Variants in RALGPS1 observed in about 807,000 individuals in gnomAD.
The protein encoded by RALGPS1 is ras-specific guanine nucleotide-releasing factor RalGPS1.
RALGPS1 carries 19 observed loss-of-function variants against 78.8 expected under a neutral mutation model. That is an observed-to-expected ratio of 0.24 (90% CI 0.17 to 0.35). The LOEUF (loss-of-function observed/expected upper bound fraction) is 0.35, where lower values mean the gene tolerates loss of function less well. Among genes scored for constraint, RALGPS1 ranks in the 10% least tolerant of loss-of-function variants. The probability of loss-of-function intolerance (pLI) is 1.00; values close to 1 mark genes in which losing one functional copy is unlikely to be tolerated. For synonymous variants in RALGPS1, 228 were observed against 256.3 expected (o/e 0.89, Z 1.06); for missense variants, 454 against 688.3 (o/e 0.66, Z 3.81).
chr9:126,962,833 C>T (rs1168802899), intron 2 of RALGPS1, among the ~76,000 whole-genome samples: 1 of 152,176 alleles, frequency 6.6e-6, no homozygotes, highest in African/African-American at 2.4e-5. Flanking sequence ...TCGGTAATGG[C>T]ACAGAAGCAT....
intron 1 of RALGPS1, among the ~76,000 whole-genome samples, chr9:126,955,564 T>C (rs915612278): frequency 4.6e-5 from 7 of 152,296 alleles, no homozygotes; most frequent in African/African-American, 1.7e-4. Flanking sequence ...AATAAAGATA[T>C]ATATTCCCTT....
At chr9:127,033,694 G>C (rs2046620440) in intron 4 of RALGPS1, among the ~76,000 whole-genome samples, 1 of 152,074 alleles carries the variant, frequency 6.6e-6, no homozygotes, top group South Asian at 2.1e-4. Context: ...GCTTCTCCTT[G>C]GTCCTTTTTT....
intron 14 of RALGPS1, among the ~76,000 whole-genome samples, chr9:127,206,543 C>T (rs1295186729): frequency 2.6e-5 from 4 of 152,088 alleles, no homozygotes; most frequent in Non-Finnish European, 5.9e-5. Context: ...GGGGTAACCA[C>T]CCCCATGATT....
chr9:127,155,472 G>A (rs576851787), intron 8 of RALGPS1, among the ~76,000 whole-genome samples: 20 of 152,292 alleles, frequency 1.3e-4, no homozygotes, highest in Non-Finnish European at 2.4e-4. Context: ...GCACATCAGG[G>A]GCTGCATGGA....
At chr9:127,172,609 C>T (rs1240688561) in intron 10 of RALGPS1, among the ~76,000 whole-genome samples, 1 of 152,230 alleles carries the variant, frequency 6.6e-6, no homozygotes, top group East Asian at 1.9e-4. Flanking sequence ...ACAGCGGCAA[C>T]CTCCATCTTG....
At chr9:127,009,713 G>A (rs1187556703) in intron 4 of RALGPS1, among the ~76,000 whole-genome samples, 1 of 152,048 alleles carries the variant, frequency 6.6e-6, no homozygotes, top group Middle Eastern at 3.2e-3. Flanking sequence ...TAAGAGTCTA[G>A]GCTGGTGTTT....
At chr9:127,112,474 G>A (rs1564603831) in intron 8 of RALGPS1, among the ~76,000 whole-genome samples, 1 of 152,240 alleles carries the variant, frequency 6.6e-6, no homozygotes, top group Admixed American at 6.5e-5. Context: ...ACTGCCAGAG[G>A]CCCAGGAGGC....
intron 4 of RALGPS1, among the ~76,000 whole-genome samples, chr9:127,012,711 T>A (rs1180096502): frequency 6.6e-6 from 1 of 152,226 alleles, no homozygotes; most frequent in Non-Finnish European, 1.5e-5. Flanking sequence ...GTCTGAGGTT[T>A]CTGAGTGGAG....
intron 4 of RALGPS1, among the ~76,000 whole-genome samples, chr9:127,024,431 T>C (rs181178320): frequency 2.0e-5 from 3 of 150,638 alleles, no homozygotes; most frequent in African/African-American, 7.3e-5. Flanking sequence ...ACCGCTCACT[T>C]CCTATGCTTT....
chr9:127,055,807 C>T (rs1228924424), intron 7 of RALGPS1, among the ~76,000 whole-genome samples: 1 of 152,132 alleles, frequency 6.6e-6, no homozygotes, highest in Non-Finnish European at 1.5e-5. Context: ...TTTGTTTTCC[C>T]TTTTGTAACA....
At chr9:126,961,400 A>G (rs1041584824) in intron 1 of RALGPS1, among the ~76,000 whole-genome samples, 1 of 152,206 alleles carries the variant, frequency 6.6e-6, no homozygotes, top group African/African-American at 2.4e-5. Flanking sequence ...AGCATGGCAT[A>G]TGGTACTATA....
chr9:127,142,500 G>T (rs1159188749), intron 8 of RALGPS1, among the ~76,000 whole-genome samples: 2 of 152,166 alleles, frequency 1.3e-5, no homozygotes, highest in East Asian at 1.9e-4. Context: ...CAGAAGTCAG[G>T]GTGGCTAGCA....
At chr9:127,202,457 C>T (rs570571701) in intron 14 of RALGPS1, among the ~76,000 whole-genome samples, 3 of 152,082 alleles carry the variant, frequency 2.0e-5, no homozygotes, top group African/African-American at 2.4e-5. Flanking sequence ...CTGAGGCCTG[C>T]GGAGCTGCTG....
chr9:127,114,234 T>G (rs2055165445), intron 8 of RALGPS1, among the ~76,000 whole-genome samples: 1 of 152,230 alleles, frequency 6.6e-6, no homozygotes, highest in South Asian at 2.1e-4. Context: ...ATATTTATAT[T>G]GTAGCAATTT....
At chr9:127,214,881 C>T in intron 18 of RALGPS1, 39 bp downstream of exon 18, 9 of 1,611,990 alleles carry the variant, frequency 5.6e-6, no homozygotes, top group Non-Finnish European at 7.6e-6. Flanking sequence ...CTGAAATATC[C>T]TCTCCCACCC....
chr9:127,196,693 G>A, intron 13 of RALGPS1, 62 bp downstream of exon 13: 1 of 1,492,396 alleles, frequency 6.7e-7, no homozygotes, highest in South Asian at 1.3e-5. Context: ...TGTGCTCCGT[G>A]TCTGTCTCTG....
At chr9:127,170,244 TG>T (rs1178156869) in intron 10 of RALGPS1, among the ~76,000 whole-genome samples, 1 of 152,196 alleles carries the variant, frequency 6.6e-6, no homozygotes, top group African/African-American at 2.4e-5. Context: ...GTGTCCCACC[TG>T]GTCAGCTTTA....
intron 8 of RALGPS1, chr9:127,107,797 G>T: frequency 9.5e-7 from 1 of 1,050,638 alleles, no homozygotes; most frequent in Non-Finnish European, 1.4e-6. Flanking sequence ...GGGGGATTGT[G>T]CATGTCTTTG....
At chr9:126,983,148 GCTGGT>G (rs1243549502) in intron 4 of RALGPS1, among the ~76,000 whole-genome samples, 1 of 149,946 alleles carries the variant, frequency 6.7e-6, no homozygotes, top group African/African-American at 2.5e-5. Context: ...CGTTGGCCAG[GCTGGT>G]CTCGAATTCC....
Sources: gnomAD v4.1 joint callset for allele counts (sites outside exome capture counted in the v4.1 genomes callset) on GRCh38, gnomAD v4.1.1 for gene constraint, MANE v1.5 for transcripts, NCBI Gene and HGNC (gene_info 2026-07-23, HGNC 2026-07-21) for gene names.